HIPK3: variants seen among roughly 807,000 people sequenced by gnomAD.
HIPK3 encodes homeodomain-interacting protein kinase 3.
Under a neutral mutation model 124.2 loss-of-function variants are expected in HIPK3, and 47 were observed. That is an observed-to-expected ratio of 0.38 (90% confidence interval 0.30 to 0.48). HIPK3 has a LOEUF of 0.48. Among genes scored for constraint, HIPK3 ranks in the 20% least tolerant of loss-of-function variants. HIPK3 has a pLI of 0.98. For synonymous variants in HIPK3, 482 were observed against 515.2 expected, an observed-to-expected ratio of 0.94 and a Z score of 0.87; for missense variants, 1,286 against 1,454.3, an observed-to-expected ratio of 0.88 and a Z score of 1.88.
In HIPK3 at chr11:33,286,906, T is replaced by G. The variant is rs1052410082; in HGVS notation, c.492T>G (p.Val164=). The G allele has an allele frequency of 6.2e-7, 1 of 1,614,210 alleles. No individual in the cohort carries two copies. Among genetic ancestry groups the G allele is most frequent in the Non-Finnish European group, 8.5e-7 (1 of 1,180,040 alleles). Residue 164 remains valine, a synonymous_variant, in exon 2 of 17, where the codon GTT becomes GTG. Transcript: ENST00000303296. ...CCAACATGGGAAATCCAGTGACAGT[T>G]GTGACAGCTACCACAGGATCAAAAC... ...LQTNMGNPVT[V]VTATTGSKQN...
chr11:33,285,577 AAAT>A (rs763239225), intron 1 of HIPK3, among the ~76,000 whole-genome samples: 1,701 of 55,356 alleles, frequency 0.031, 17 homozygotes, highest in Middle Eastern at 0.069. Flanking sequence ...CAAAAAAAAA[AAAT>A]ATATATATAT....
At chr11:33,256,928 C>T (rs1850679751), upstream of HIPK3, among the ~76,000 whole-genome samples, 1 of 152,200 alleles carries the variant, frequency 6.6e-6, no homozygotes, top group Non-Finnish European at 1.5e-5. Flanking sequence ...TTCCCCTTTA[C>T]TTATTTTGGG....
At chr11:33,297,115 G>A (rs1359133137) in intron 2 of HIPK3, among the ~76,000 whole-genome samples, 1 of 129,030 alleles carries the variant, frequency 7.8e-6, no homozygotes, top group Non-Finnish European at 1.6e-5. Context: ...TTTTTGAGAT[G>A]GAGTCTCTCA....
chr11:33,317,272 C>CT (rs1554966043), intron 2 of HIPK3, among the ~76,000 whole-genome samples: 1 of 61,774 alleles, frequency 1.6e-5, no homozygotes, highest in African/African-American at 5.1e-5. Flanking sequence ...GTGCCTGGCC[C>CT]TATTTTTTTT....
Position 33,286,593 on chromosome 11 carries a change from G to C in HIPK3, c.179G>C (p.Ser60Thr). Residue 60 changes from serine (S) to threonine (T), a missense_variant, in exon 2 of 17, where the codon AGT (serine) becomes ACT (threonine). Ser to Thr is a moderately conservative substitution (Grantham distance 58, BLOSUM62 1). This residue lies in a region of HIPK3 where 225 missense variants were observed against 240.3 expected (regional missense o/e 0.94). Transcript: ENST00000303296. The stretch of plus-strand genomic sequence containing the variant: ...AATTCTCATCCTCCCACTAAGGGTA[G>C]TGCTTTTCAGACAAAGATACCATTT... ...FGNSHPPTKG[S>T]AFQTKIPFNR... 3 of 1,614,088 alleles carry C rather than the reference G, an allele frequency of 1.9e-6. No individual in the cohort carries two copies. The highest frequency in any genetic ancestry group is 2.5e-6 in the Non-Finnish European group (3 of 1,179,996).
rs755955880 is a variant in HIPK3, at chr11:33,287,158, C to T, written c.744C>T (p.Leu248=). 4 of 1,614,186 alleles carry T rather than the reference C, an allele frequency of 2.5e-6. No individual in the cohort carries two copies. The South Asian group carries it at 4.4e-5, about 18-fold the overall frequency. ...GQIEVSILAR[L]STENADEYNF... is the part of the protein sequence containing the mutation. The stretch of plus-strand genomic sequence containing the variant: ...TAGAAGTGAGCATATTAGCAAGGCT[C>T]AGTACTGAAAATGCTGATGAATATA... Residue 248 remains leucine, a synonymous_variant, in exon 2 of 17, where the codon CTC becomes CTT. Coordinates refer to ENST00000303296, the MANE Select transcript of HIPK3 (RefSeq NM_005734.5).
At chr11:33,275,882 C>T (rs1023369065) in intron 1 of HIPK3, among the ~76,000 whole-genome samples, 5 of 152,184 alleles carry the variant, frequency 3.3e-5, no homozygotes, top group African/African-American at 2.4e-5. Context: ...ATCCTAGGGA[C>T]TCTTCATATG....
intron 2 of HIPK3, among the ~76,000 whole-genome samples, chr11:33,324,675 G>A (rs1306143378): frequency 6.6e-6 from 1 of 152,186 alleles, no homozygotes; most frequent in East Asian, 1.9e-4. Flanking sequence ...GGCACAGTGT[G>A]GGGCACTAGA....
At position 33,353,286 on chromosome 11, in the gene HIPK3, A is replaced by G; in HGVS notation, c.3366A>G (p.Pro1122=). The G allele has an allele frequency of 6.2e-7, 1 of 1,614,082 alleles. No homozygotes were observed. Among genetic ancestry groups the G allele is most frequent in the Non-Finnish European group, 8.5e-7 (1 of 1,179,998 alleles). The stretch of plus-strand genomic sequence containing the variant: ...GACAGCCTACTCTACTTCCATACCC[A>G]TCATCAGCCACCCTCAGTAGTGCTG... ...LGGQPTLLPY[P]SSATLSSAAP... Residue 1122 remains proline, a synonymous_variant, in exon 17 of 17, where the codon CCA becomes CCG. Coordinates refer to ENST00000303296, the MANE Select transcript of HIPK3 (RefSeq NM_005734.5).
At chr11:33,300,849 C>T (rs890944150) in intron 2 of HIPK3, among the ~76,000 whole-genome samples, 7 of 152,170 alleles carry the variant, frequency 4.6e-5, no homozygotes, top group African/African-American at 1.2e-4. Flanking sequence ...GACCCTCTCA[C>T]CTCAGCCTCC....
At chr11:33,272,355 C>T (rs1440469036) in intron 1 of HIPK3, among the ~76,000 whole-genome samples, 1 of 151,536 alleles carries the variant, frequency 6.6e-6, no homozygotes, top group Admixed American at 6.6e-5. Context: ...GCCGAGATCG[C>T]GCCACTACAC....
chr11:33,310,534 C>A (rs1230370673), intron 2 of HIPK3, among the ~76,000 whole-genome samples: 1 of 152,098 alleles, frequency 6.6e-6, no homozygotes, highest in African/African-American at 2.4e-5. Flanking sequence ...GTCTCAAACT[C>A]CTGGCCTCAA....
At chr11:33,323,504 A>G (rs774848698) in intron 2 of HIPK3, among the ~76,000 whole-genome samples, 1 of 152,128 alleles carries the variant, frequency 6.6e-6, no homozygotes, top group Non-Finnish European at 1.5e-5. Context: ...TAGCCTCCAA[A>G]AGTGCTGGGA....
intron 1 of HIPK3, 86 bp downstream of exon 1, chr11:33,257,975 C>T: frequency 1.0e-6 from 1 of 969,182 alleles, no homozygotes; most frequent in Non-Finnish European, 1.2e-6. Context: ...GGACCCCAAG[C>T]CTGACCCGGG....
intron 1 of HIPK3, among the ~76,000 whole-genome samples, chr11:33,273,233 G>A (rs949951679): frequency 3.9e-5 from 6 of 151,992 alleles, no homozygotes; most frequent in Non-Finnish European, 7.4e-5. Context: ...GGCTGGGTGC[G>A]GTGGCTTACG....
intron 13 of HIPK3, 46 bp downstream of exon 13, chr11:33,348,864 T>A: frequency 6.5e-7 from 1 of 1,543,710 alleles, no homozygotes; most frequent in South Asian, 1.2e-5. Context: ...ATGGCATCCT[T>A]TGGTGTGCCG....
At chr11:33,339,673 C>A in intron 6 of HIPK3, 139 bp downstream of exon 6, 1 of 583,686 alleles carries the variant, frequency 1.7e-6, no homozygotes, top group East Asian at 2.6e-5. Flanking sequence ...TGACCAAGTT[C>A]ACATACACCA....
At chr11:33,323,257 T>A (rs1276099159) in intron 2 of HIPK3, among the ~76,000 whole-genome samples, 1 of 152,150 alleles carries the variant, frequency 6.6e-6, no homozygotes, top group East Asian at 1.9e-4. Context: ...TTATTTATTT[T>A]TTGAAGACAG....
intron 1 of HIPK3, among the ~76,000 whole-genome samples, chr11:33,259,029 C>T (rs1302908166): frequency 6.6e-6 from 1 of 152,134 alleles, no homozygotes; most frequent in Admixed American, 6.5e-5. Flanking sequence ...GCTGGCAAAC[C>T]AGTCTGCGTG....
Sources: gnomAD v4.1 joint callset for allele counts (sites outside exome capture counted in the v4.1 genomes callset) on GRCh38, gnomAD v4.1.1 for gene constraint, gnomAD v4.1.1 regional missense constraint, MANE v1.5 for transcripts, NCBI Gene and HGNC (gene_info 2026-07-23, HGNC 2026-07-21) for gene names.